FNDC3B: variants seen among roughly 807,000 people sequenced by gnomAD.
FNDC3B encodes fibronectin type III domain containing 3B, also known as fibronectin type III domain-containing protein 3B.
A neutral mutation model predicts 151.5 loss-of-function variants in FNDC3B; 12 were observed. The ratio of observed to expected loss-of-function variants is 0.08; its 90% CI spans 0.05 to 0.13. The LOEUF is 0.13. Among genes scored for constraint, FNDC3B ranks in the 10% least tolerant of loss-of-function variants. The pLI, the probability that FNDC3B is intolerant of heterozygous loss-of-function variation, is 1.00. For synonymous variants in FNDC3B, 528 were observed against 549.0 expected, an observed-to-expected ratio of 0.96 and a Z score of 0.54; for missense variants, 1,214 against 1,505.3, an observed-to-expected ratio of 0.81 and a Z score of 3.20.
chr3:172,236,756 G>C (rs1727188567), intron 4 of FNDC3B, among the ~76,000 whole-genome samples: 1 of 152,078 alleles, frequency 6.6e-6, no homozygotes, highest in South Asian at 2.1e-4. Flanking sequence ...CTCATCCTGG[G>C]GTCTCCAGTT....
At chr3:172,136,144 G>A (rs1480756839) in intron 3 of FNDC3B, among the ~76,000 whole-genome samples, 1 of 152,196 alleles carries the variant, frequency 6.6e-6, no homozygotes, top group African/African-American at 2.4e-5. Flanking sequence ...GTGCCTTTAT[G>A]TCAGGGAGGA....
intron 1 of FNDC3B, among the ~76,000 whole-genome samples, chr3:172,101,849 T>C (rs555371413): frequency 1.3e-5 from 2 of 152,348 alleles, no homozygotes; most frequent in South Asian, 4.1e-4. Context: ...GGTAGTATAA[T>C]GGATTTGCTT....
chr3:172,094,852 A>G (rs1249968527), intron 1 of FNDC3B, among the ~76,000 whole-genome samples: 1 of 149,494 alleles, frequency 6.7e-6, no homozygotes, highest in African/African-American at 2.4e-5. Context: ...TCCAGAACTA[A>G]ATTACATGGT....
At chr3:172,365,584 T>C (rs1734581793) in intron 23 of FNDC3B, among the ~76,000 whole-genome samples, 1 of 152,172 alleles carries the variant, frequency 6.6e-6, no homozygotes, top group Admixed American at 6.5e-5. Flanking sequence ...ACCTGGACTT[T>C]TATGTTGAAA....
intron 4 of FNDC3B, among the ~76,000 whole-genome samples, chr3:172,243,324 C>G (rs1468602327): frequency 6.6e-6 from 1 of 152,180 alleles, no homozygotes; most frequent in Non-Finnish European, 1.5e-5. Context: ...CTGTATTAGT[C>G]TGTTTTCATG....
At position 172,112,446 on chromosome 3, in the gene FNDC3B, T is replaced by C. The variant is rs1253479006; in HGVS notation, c.-28-6T>C. 2.0e-6 allele frequency: 3 copies of C among 1,492,102 alleles called. No homozygotes were observed. The highest frequency in any genetic ancestry group is 2.8e-5 in the African/African-American group (2 of 72,524). The allele number at this position is 1,492,102 out of a possible 1,614,324, so 92.4% of individuals were successfully genotyped here. A position where few individuals can be genotyped will look rare whatever the true frequency, so the allele number is the denominator to read the frequency against. ...TCCTTTTTAAAAAGCGGCGGTTCTC[T>C]TGCAGGAAGCCAGTTGAGGGAAGTT... On this transcript the variant is annotated splice_region_variant and splice_polypyrimidine_tract_variant and intron_variant, in intron 1 of 25. Coordinates refer to ENST00000415807, the MANE Select transcript of FNDC3B (RefSeq NM_022763.4).
chr3:172,378,526 A>G, intron 24 of FNDC3B, 90 bp downstream of exon 24: 3 of 1,147,212 alleles, frequency 2.6e-6, no homozygotes, highest in Non-Finnish European at 3.6e-6. Context: ...GATGTTAAAT[A>G]TAATGTCAGC....
intron 3 of FNDC3B, among the ~76,000 whole-genome samples, chr3:172,161,613 T>C (rs1393405740): frequency 6.6e-6 from 1 of 152,222 alleles, no homozygotes; most frequent in Non-Finnish European, 1.5e-5. Flanking sequence ...GACACATGCG[T>C]GTATTTACCG....
intron 6 of FNDC3B, among the ~76,000 whole-genome samples, chr3:172,282,919 C>T (rs1324522390): frequency 3.9e-5 from 6 of 152,244 alleles, no homozygotes; most frequent in African/African-American, 1.2e-4. Flanking sequence ...TCAACAAAGA[C>T]ACCTATGGGT....
intron 1 of FNDC3B, among the ~76,000 whole-genome samples, chr3:172,104,171 T>A (rs747955205): frequency 6.3e-4 from 96 of 152,338 alleles, no homozygotes; most frequent in Non-Finnish European, 1.2e-3. Flanking sequence ...TATGTGTCTT[T>A]TTTTAAGCTT....
At chr3:172,307,932 T>C (rs1268185319) in intron 10 of FNDC3B, among the ~76,000 whole-genome samples, 1 of 152,224 alleles carries the variant, frequency 6.6e-6, no homozygotes, top group East Asian at 1.9e-4. Context: ...ATAAGTGATA[T>C]AGGTACTTAA....
chr3:172,396,605 T>C (rs1398098204), intron 25 of FNDC3B, among the ~76,000 whole-genome samples: 1 of 152,114 alleles, frequency 6.6e-6, no homozygotes, highest in Non-Finnish European at 1.5e-5. Flanking sequence ...CAGGAAGTGA[T>C]TGACAAGCAG....
chr3:172,090,000 G>A (rs1261940585), intron 1 of FNDC3B, among the ~76,000 whole-genome samples: 1 of 152,172 alleles, frequency 6.6e-6, no homozygotes, highest in Admixed American at 6.5e-5. Context: ...TGTTATATGA[G>A]TTGAACAGTT....
At chr3:172,379,059 AC>A (rs1735300441) in intron 24 of FNDC3B, among the ~76,000 whole-genome samples, 1 of 152,078 alleles carries the variant, frequency 6.6e-6, no homozygotes, top group African/African-American at 2.4e-5. Context: ...CTCTGCCTGG[AC>A]CCTTCTTCCA....
chr3:172,128,083 A>G (rs1259785182), intron 2 of FNDC3B, among the ~76,000 whole-genome samples: 1 of 152,228 alleles, frequency 6.6e-6, no homozygotes, highest in Non-Finnish European at 1.5e-5. Context: ...CATATTTGCC[A>G]TGTATCCTAC....
intron 7 of FNDC3B, among the ~76,000 whole-genome samples, chr3:172,294,330 C>A (rs895534034): frequency 6.6e-6 from 1 of 152,144 alleles, no homozygotes; most frequent in Non-Finnish European, 1.5e-5. Flanking sequence ...TTGACTCATG[C>A]TTCTGCAGGC....
At chr3:172,311,279 C>T (rs1731465013) in intron 11 of FNDC3B, among the ~76,000 whole-genome samples, 2 of 152,132 alleles carry the variant, frequency 1.3e-5, no homozygotes, top group African/African-American at 4.8e-5. Flanking sequence ...TTTTTGAATG[C>T]CATGTATGTA....
At chr3:172,340,938 A>G (rs1270200273) in intron 16 of FNDC3B, among the ~76,000 whole-genome samples, 175 bp from the exon 17 acceptor site, 4 of 152,228 alleles carry the variant, frequency 2.6e-5, no homozygotes, top group Admixed American at 2.6e-4. Flanking sequence ...AAAATGACTC[A>G]ATGTTATTTT....
chr3:172,159,241 T>C (rs1018849783), intron 3 of FNDC3B, among the ~76,000 whole-genome samples: 1 of 152,328 alleles, frequency 6.6e-6, no homozygotes, highest in East Asian at 1.9e-4. Context: ...ATCGCACCAT[T>C]GCACTCCAGC....
Sources: allele counts gnomAD v4.1 joint callset (sites outside exome capture counted in the v4.1 genomes callset), GRCh38; gene constraint gnomAD v4.1.1; transcripts MANE v1.5; gene names NCBI Gene and HGNC (gene_info 2026-07-23, HGNC 2026-07-21).